The following SEMA3A variants were observed in gnomAD, a reference collection of about 807,000 sequenced individuals.
SEMA3A encodes semaphorin 3A.
Under a neutral mutation model 97.9 loss-of-function variants are expected in SEMA3A, and 29 were observed. The ratio of observed to expected loss-of-function variants is 0.30; its 90% CI spans 0.22 to 0.40. SEMA3A has a LOEUF of 0.40. Ranked by LOEUF, SEMA3A falls within the 10% of genes least tolerant of loss-of-function variation. The pLI, the probability that SEMA3A is intolerant of heterozygous loss-of-function variation, is 1.00. For missense variants in SEMA3A, 763 were observed against 951.3 expected, an observed-to-expected ratio of 0.80 and a Z score of 2.60; for synonymous variants, 321 against 323.7, an observed-to-expected ratio of 0.99 and a Z score of 0.09.
chr7:84,346,662 T>C (rs567915170), intron 2 of SEMA3A, among the ~76,000 whole-genome samples: 6 of 152,294 alleles, frequency 3.9e-5, no homozygotes, highest in African/African-American at 1.4e-4. Flanking sequence ...TATATGGGCA[T>C]AGTTTGTGAT....
chr7:84,417,108 A>C (rs1373870270), intron 1 of SEMA3A, among the ~76,000 whole-genome samples: 2 of 152,110 alleles, frequency 1.3e-5, no homozygotes, highest in Admixed American at 6.6e-5. Context: ...TACAATAAAT[A>C]CTTAATTCCA....
At chr7:84,091,365 A>AAAAG (rs1554325206) in intron 4 of SEMA3A, among the ~76,000 whole-genome samples, 1 of 146,376 alleles carries the variant, frequency 6.8e-6, no homozygotes, top group Non-Finnish European at 1.5e-5. Context: ...AGAAAGGAAG[A>AAAAG]AAGGAAGGAA....
intron 7 of SEMA3A, among the ~76,000 whole-genome samples, chr7:84,012,882 C>T (rs1790940603): frequency 6.6e-6 from 1 of 151,926 alleles, no homozygotes; most frequent in African/African-American, 2.4e-5. Context: ...TATTTATATA[C>T]TTTTAAACAC....
At chr7:84,108,647 T>C (rs1490970037) in intron 4 of SEMA3A, among the ~76,000 whole-genome samples, 4 of 152,190 alleles carry the variant, frequency 2.6e-5, no homozygotes, top group African/African-American at 9.6e-5. Context: ...GGCTCACGCC[T>C]GTAATCCGAG....
intron 1 of SEMA3A, among the ~76,000 whole-genome samples, chr7:84,421,800 T>C: frequency 6.6e-6 from 1 of 152,064 alleles, no homozygotes. Flanking sequence ...GTTGGTTCTG[T>C]TTATGTGATG....
rs913462174 is a variant in SEMA3A at position 84,407,865 on chromosome 7, T to C, written c.-245-35965A>G. The stretch of plus-strand genomic sequence containing the variant: ...TATGTAGAAAGCTGAAACTGGATCC[T>C]TTCCTTACACCTTATACAAAAATTA... On this transcript the variant is annotated intron_variant, in intron 1 of 3. Transcript: ENST00000424555. 5.9e-5 allele frequency among the ~76,000 whole-genome samples: 9 copies of C among 152,226 alleles called. No homozygotes were observed. The South Asian group carries it at 6.2e-4, about 11-fold the overall frequency.
At chr7:84,005,277 C>G in intron 11 of SEMA3A, 62 bp downstream of exon 11, 2 of 1,200,690 alleles carry the variant, frequency 1.7e-6, no homozygotes, top group Non-Finnish European at 2.5e-6. Flanking sequence ...GTTCAAAGAT[C>G]AACTTAATCA....
At chr7:84,415,106 T>G (rs1804396670) in intron 1 of SEMA3A, among the ~76,000 whole-genome samples, 1 of 152,114 alleles carries the variant, frequency 6.6e-6, no homozygotes, top group Non-Finnish European at 1.5e-5. Flanking sequence ...ATAGTATTGC[T>G]GGATTAGATA....
At chr7:84,255,232 A>G (rs903802712) in intron 3 of SEMA3A, among the ~76,000 whole-genome samples, 1 of 152,196 alleles carries the variant, frequency 6.6e-6, no homozygotes, top group Non-Finnish European at 1.5e-5. Context: ...TGATCACAAT[A>G]CAGGCATTCT....
intron 3 of SEMA3A, among the ~76,000 whole-genome samples, chr7:84,126,157 T>A (rs1339237798): frequency 1.3e-5 from 2 of 152,160 alleles, no homozygotes; most frequent in African/African-American, 4.8e-5. Context: ...TTACGTAATA[T>A]TTTGCATGGG....
rs1788362198 is a variant in SEMA3A, at chr7:83,958,868, CAT to C, written c.*2501_*2502del. 1 of 152,336 alleles carries C rather than the reference CAT, an allele frequency of 6.6e-6. No homozygotes were observed. The highest frequency in any genetic ancestry group is 2.4e-5 in the African/African-American group (1 of 41,436). The allele number at this position is 152,336 out of a possible 1,614,324, so 9.4% of individuals were successfully genotyped here. A position where few individuals can be genotyped will look rare whatever the true frequency, so the allele number is the denominator to read the frequency against. Reference sequence around the variant, plus strand: ...TGCTGTTGTAATTTTCGTAAGGTCACATGAGTCTCTCAAACAGTTTCATCTCT... The same window carrying C: ...TGCTGTTGTAATTTTCGTAAGGTCACGAGTCTCTCAAACAGTTTCATCTCT... On this transcript the variant is annotated 3_prime_UTR_variant, in exon 17 of 17. Coordinates refer to ENST00000265362, the MANE Select transcript of SEMA3A (RefSeq NM_006080.3).
chr7:84,355,239 A>T (rs1380696844), intron 2 of SEMA3A, among the ~76,000 whole-genome samples: 1 of 151,858 alleles, frequency 6.6e-6, no homozygotes, highest in African/African-American at 2.4e-5. Flanking sequence ...GCATACTATG[A>T]TTTCATTCAT....
chr7:84,056,167 T>C (rs547260158), intron 5 of SEMA3A, among the ~76,000 whole-genome samples: 2 of 152,278 alleles, frequency 1.3e-5, no homozygotes, highest in East Asian at 3.9e-4. Context: ...CATTCTTTCT[T>C]AACTGGAAGC....
At chr7:84,359,379 T>C (rs555471519) in intron 2 of SEMA3A, among the ~76,000 whole-genome samples, 11 of 152,238 alleles carry the variant, frequency 7.2e-5, no homozygotes, top group African/African-American at 2.4e-4. Flanking sequence ...AGGCCTTTTC[T>C]GCATCTATTG....
At chr7:84,194,315 C>CA (rs1236050533) in intron 1 of SEMA3A, among the ~76,000 whole-genome samples, 160 bp downstream of exon 1, 1 of 150,960 alleles carries the variant, frequency 6.6e-6, no homozygotes, top group Non-Finnish European at 1.5e-5. Context: ...ATGCTTTTTA[C>CA]AAAAAGCGTT....
chr7:83,994,860 G>T (rs547858901), intron 12 of SEMA3A, among the ~76,000 whole-genome samples: 1 of 152,046 alleles, frequency 6.6e-6, no homozygotes, highest in Admixed American at 6.5e-5. Context: ...GGAACTTCCC[G>T]GCTGCTTTGT....
intron 12 of SEMA3A, among the ~76,000 whole-genome samples, chr7:83,992,632 A>C (rs1217878856): frequency 2.0e-5 from 3 of 151,788 alleles, no homozygotes; most frequent in Non-Finnish European, 2.9e-5. Context: ...AGTGGTTTTG[A>C]GTGAGATTCT....
intron 1 of SEMA3A, among the ~76,000 whole-genome samples, chr7:84,395,268 A>G (rs1803695696): frequency 6.6e-6 from 1 of 151,898 alleles, no homozygotes; most frequent in African/African-American, 2.4e-5. Flanking sequence ...TAACTAAACT[A>G]ACCAAATAAC....
intron 1 of SEMA3A, among the ~76,000 whole-genome samples, chr7:84,189,723 T>C (rs1273549670): frequency 6.6e-6 from 1 of 151,684 alleles, no homozygotes; most frequent in Admixed American, 6.6e-5. Context: ...TAATTTTTAT[T>C]ACTAGGAACA....
Sources: gnomAD v4.1 joint callset for allele counts (sites outside exome capture counted in the v4.1 genomes callset) on GRCh38, gnomAD v4.1.1 for gene constraint, MANE v1.5 for transcripts, NCBI Gene and HGNC (gene_info 2026-07-23, HGNC 2026-07-21) for gene names.